SYNDIG1: variants seen among roughly 807,000 people sequenced by gnomAD.
SYNDIG1 encodes the protein synapse differentiation-inducing gene protein 1.
SYNDIG1 carries 9 observed loss-of-function variants against 19.4 expected under a neutral mutation model. That is an observed-to-expected ratio of 0.46 (90% confidence interval 0.28 to 0.81). The LOEUF is 0.81. Among genes scored for constraint, SYNDIG1 ranks in the 30% least tolerant of loss-of-function variants. The probability of loss-of-function intolerance (pLI) is 0.12; values close to 1 mark genes in which losing one functional copy is unlikely to be tolerated. For missense variants in SYNDIG1, 311 were observed against 343.3 expected (o/e 0.91, Z 0.74); for synonymous variants, 141 against 145.9 (o/e 0.97, Z 0.24).
intron 1 of SYNDIG1, among the ~76,000 whole-genome samples, chr20:24,498,156 C>T (rs960736484): frequency 2.6e-5 from 4 of 152,296 alleles, no homozygotes; most frequent in South Asian, 2.1e-4. Context: ...AAAAGCTGTG[C>T]GTGTTTAACG....
chr20:24,591,499 G>A lies in SYNDIG1; in HGVS notation c.618+6506G>A, dbSNP rs2058511799. Among the ~76,000 whole-genome samples, 3 of 151,964 alleles carry A rather than the reference G, an allele frequency of 2.0e-5. No individual in the cohort carries two copies. The South Asian group carries it at 6.2e-4, about 32-fold the overall frequency. ...GTAAATGGAGAGTGAGAAATGGGAT[G>A]CTATTTAATGAGGTCATGTCAAGAG... On this transcript the variant is annotated intron_variant, in intron 3 of 3. Coordinates refer to ENST00000376862, the MANE Select transcript of SYNDIG1 (RefSeq NM_024893.3).
chr20:24,539,763 TTTTGTTTGTTTG>T (rs140828302), intron 1 of SYNDIG1, among the ~76,000 whole-genome samples: 24 of 150,264 alleles, frequency 1.6e-4, no homozygotes, highest in Admixed American at 6.0e-4. Context: ...TTCAGCAGTG[TTTTGTTTGTTTG>T]TTTGTTTGTT....
chr20:24,472,626 G>A (rs969740391), intron 1 of SYNDIG1, among the ~76,000 whole-genome samples: 1 of 152,170 alleles, frequency 6.6e-6, no homozygotes, highest in African/African-American at 2.4e-5. Context: ...CATCCTCCAG[G>A]TCACACCTGC....
At chr20:24,594,612 T>C (rs2061473698) in intron 3 of SYNDIG1, among the ~76,000 whole-genome samples, 1 of 152,232 alleles carries the variant, frequency 6.6e-6, no homozygotes, top group African/African-American at 2.4e-5. Context: ...GTAAGTGCTT[T>C]AGGCAGTATG....
chr20:24,580,998 G>A (rs1012478476), intron 2 of SYNDIG1, among the ~76,000 whole-genome samples: 6 of 152,272 alleles, frequency 3.9e-5, no homozygotes, highest in East Asian at 1.9e-4. Context: ...GGGCCTCTCC[G>A]TCACCACCAT....
intron 1 of SYNDIG1, among the ~76,000 whole-genome samples, chr20:24,478,898 G>C (rs1345111336): frequency 6.6e-6 from 1 of 152,136 alleles, no homozygotes; most frequent in South Asian, 2.1e-4. Context: ...AGAGAATATC[G>C]GATTGAACTC....
chr20:24,474,580 G>A (rs561294627), intron 1 of SYNDIG1, among the ~76,000 whole-genome samples: 11 of 152,352 alleles, frequency 7.2e-5, no homozygotes, highest in South Asian at 2.1e-4. Context: ...TCCGTGTTCA[G>A]TGTGAAAAAC....
intron 1 of SYNDIG1, among the ~76,000 whole-genome samples, chr20:24,526,594 TATAG>T (rs2057128697): frequency 1.3e-5 from 2 of 152,192 alleles, no homozygotes; most frequent in Admixed American, 6.5e-5. Flanking sequence ...GATATAGATA[TATAG>T]ATAGATATAT....
intron 2 of SYNDIG1, among the ~76,000 whole-genome samples, chr20:24,558,805 C>G (rs781607057): frequency 3.3e-5 from 5 of 152,172 alleles, no homozygotes; most frequent in Non-Finnish European, 7.4e-5. Context: ...AAACCGCACT[C>G]CAGTACAGCC....
intron 2 of SYNDIG1, among the ~76,000 whole-genome samples, chr20:24,545,281 C>G (rs2057554033): frequency 6.6e-6 from 1 of 152,296 alleles, no homozygotes. Context: ...GGCATCTGCG[C>G]AGGCCCCAAT....
intron 3 of SYNDIG1, among the ~76,000 whole-genome samples, chr20:24,597,466 G>A (rs1013912501): frequency 1.3e-5 from 2 of 152,140 alleles, no homozygotes; most frequent in South Asian, 4.1e-4. Context: ...CTAAGGCTGG[G>A]AGGGGGCTGC....
intron 1 of SYNDIG1, among the ~76,000 whole-genome samples, chr20:24,541,663 AG>A (rs1254017786): frequency 1.3e-5 from 2 of 152,254 alleles, no homozygotes; most frequent in Non-Finnish European, 2.9e-5. Context: ...GGTCAAGAGA[AG>A]GGAGCATCCT....
chr20:24,603,244 T>C (rs549385918), intron 3 of SYNDIG1, among the ~76,000 whole-genome samples: 38 of 151,842 alleles, frequency 2.5e-4, no homozygotes, highest in African/African-American at 9.2e-4. Context: ...GTGTCCGGAG[T>C]TGGGAGAGAT....
At chr20:24,580,639 C>T (rs866416351) in intron 2 of SYNDIG1, among the ~76,000 whole-genome samples, 16 of 152,192 alleles carry the variant, frequency 1.1e-4, no homozygotes, top group African/African-American at 3.9e-4. Flanking sequence ...GAACTCCTGA[C>T]CTCAAGTGAT....
intron 3 of SYNDIG1, among the ~76,000 whole-genome samples, chr20:24,653,098 G>A (rs1039423559): frequency 1.3e-5 from 2 of 152,216 alleles, no homozygotes; most frequent in Non-Finnish European, 2.9e-5. Flanking sequence ...TTGAACATGT[G>A]TGTTATGTCA....
At chr20:24,511,601 G>C (rs548872828) in intron 1 of SYNDIG1, among the ~76,000 whole-genome samples, 1 of 152,266 alleles carries the variant, frequency 6.6e-6, no homozygotes, top group South Asian at 2.1e-4. Context: ...CACATGCCCT[G>C]TTGCCAGGAC....
intron 3 of SYNDIG1, among the ~76,000 whole-genome samples, chr20:24,606,924 C>A (rs2058764831): frequency 6.6e-6 from 1 of 152,254 alleles, no homozygotes. Flanking sequence ...TTGAAGCTGC[C>A]CTGGGCAGTT....
In SYNDIG1 at chr20:24,658,926, C is replaced by T. The variant is rs951310230; in HGVS notation, c.619-6420C>T. ...AGCCATGCCCCAAGTGCCATGTAGA[C>T]GCAGCAAGTGGCACAGCCGAGCAGC... is the stretch of plus-strand genomic sequence containing the variant. On this transcript the variant is annotated intron_variant, in intron 3 of 3. Coordinates refer to ENST00000376862, the MANE Select transcript of SYNDIG1 (RefSeq NM_024893.3). This position sits in a 1 kb window ranked among gnomAD's most constrained non-coding sequence, Gnocchi z 4.4. 3.3e-5 allele frequency among the ~76,000 whole-genome samples: 5 copies of T among 152,136 alleles called. No individual in the cohort carries two copies. Among genetic ancestry groups the T allele is most frequent in the African/African-American group, 7.2e-5 (3 of 41,420 alleles).
At chr20:24,552,118 T>C (rs949792781) in intron 2 of SYNDIG1, among the ~76,000 whole-genome samples, 29 of 152,324 alleles carry the variant, frequency 1.9e-4, no homozygotes, top group Admixed American at 1.6e-3. Context: ...TGTCAGTGTT[T>C]ACTTCATGTG....
Sources: allele counts gnomAD v4.1 joint callset (sites outside exome capture counted in the v4.1 genomes callset), GRCh38; gene constraint gnomAD v4.1.1; non-coding constraint Gnocchi (gnomAD v3.1); transcripts MANE v1.5; gene names NCBI Gene and HGNC (gene_info 2026-07-23, HGNC 2026-07-21).